The following WDTC1 variants were observed in gnomAD, a reference collection of about 807,000 sequenced individuals.
The protein encoded by WDTC1 is WD and tetratricopeptide repeats 1, also known as WD and tetratricopeptide repeats protein 1.
WDTC1 carries 12 observed loss-of-function variants against 76.0 expected under a neutral mutation model. That is an observed-to-expected ratio of 0.16 (90% confidence interval 0.10 to 0.26). The LOEUF is 0.26. Ranked by LOEUF, WDTC1 falls within the 10% of genes least tolerant of loss-of-function variation. The pLI, the probability that WDTC1 is intolerant of heterozygous loss-of-function variation, is 1.00. For synonymous variants in WDTC1, 326 were observed against 350.8 expected (o/e 0.93, Z 0.79); for missense variants, 511 against 908.8 (o/e 0.56, Z 5.63).
chr1:27,277,063 G>T (rs2013052773), intron 3 of WDTC1, among the ~76,000 whole-genome samples: 1 of 149,828 alleles, frequency 6.7e-6, no homozygotes, highest in African/African-American at 2.5e-5. Flanking sequence ...TATGGGATCT[G>T]TCTCTGTAAC....
rs545828319 is a variant in WDTC1, at chr1:27,235,361, GCTCT to G, written c.-100+417_-100+420del. 1.7e-3 allele frequency among the ~76,000 whole-genome samples: 257 copies of G among 151,074 alleles called. 2 individuals are homozygous for G. The highest frequency in any genetic ancestry group is 6.8e-3 in the Middle Eastern group (2 of 294). On this transcript the variant is annotated intron_variant, in intron 1 of 15. Transcript: ENST00000319394. ...ACCTGACCTGCCCTCTTAGCTTCTC[GCTCT>G]CTCTCTTTCTGTTTTTCTCTCTCTC...
intron 2 of WDTC1, among the ~76,000 whole-genome samples, chr1:27,262,251 T>G (rs763950887): frequency 5.3e-5 from 8 of 151,350 alleles, no homozygotes; most frequent in Non-Finnish European, 8.8e-5. Flanking sequence ...AACTAAAAAT[T>G]TTTAAAAAAT....
At chr1:27,287,155 G>A (rs1325005664) in intron 5 of WDTC1, among the ~76,000 whole-genome samples, 4 of 149,294 alleles carry the variant, frequency 2.7e-5, no homozygotes, top group South Asian at 2.1e-4. Flanking sequence ...AGAGCGAGAC[G>A]CTGTCTCAAA....
In WDTC1 at chr1:27,260,993, G is replaced by A. The variant is rs2147931611; in HGVS notation, c.-62G>A. 2 of 1,576,384 alleles carry A rather than the reference G, an allele frequency of 1.3e-6. No individual in the cohort carries two copies. The highest frequency in any genetic ancestry group is 1.8e-5 in the Admixed American group (1 of 56,838). On this transcript the variant is annotated 5_prime_UTR_variant, in exon 2 of 16. Coordinates refer to ENST00000319394, the MANE Select transcript of WDTC1 (RefSeq NM_001276252.2). ...GTATTTTGTGGACCTGGGCTTGGCT[G>A]GAATGCTCAGGGGTCCTGAAGATCC...
chr1:27,294,843 A>G (rs955703257), intron 9 of WDTC1, among the ~76,000 whole-genome samples: 1 of 152,222 alleles, frequency 6.6e-6, no homozygotes, highest in Non-Finnish European at 1.5e-5. Flanking sequence ...AATGAACTAG[A>G]TAGAAATATG....
At chr1:27,263,943 C>T (rs888255056) in intron 3 of WDTC1, among the ~76,000 whole-genome samples, 9 of 151,746 alleles carry the variant, frequency 5.9e-5, no homozygotes, top group Non-Finnish European at 1.2e-4. Flanking sequence ...CAAACACACA[C>T]ACTTTCTTAT....
intron 5 of WDTC1, 148 bp from the exon 6 acceptor site, chr1:27,287,526 A>T: frequency 1.2e-6 from 1 of 830,262 alleles, no homozygotes; most frequent in Non-Finnish European, 1.8e-6. Flanking sequence ...AGCTGGGATT[A>T]CAGGCATGAG....
intron 4 of WDTC1, among the ~76,000 whole-genome samples, chr1:27,283,046 G>A (rs2013234177): frequency 6.6e-6 from 1 of 151,622 alleles, no homozygotes; most frequent in African/African-American, 2.4e-5. Flanking sequence ...GCTGAGGCAG[G>A]AGAATGGCGT....
intron 1 of WDTC1, among the ~76,000 whole-genome samples, chr1:27,254,366 G>A (rs1192157854): frequency 6.6e-6 from 1 of 152,112 alleles, no homozygotes; most frequent in African/African-American, 2.4e-5. Context: ...GGAAGTAAAG[G>A]CAGGTGGATC....
intron 6 of WDTC1, among the ~76,000 whole-genome samples, chr1:27,291,541 T>C (rs2013535688): frequency 6.6e-6 from 1 of 152,150 alleles, no homozygotes; most frequent in African/African-American, 2.4e-5. Context: ...AGGATACCTG[T>C]GTATTGGCAG....
At chr1:27,279,504 A>G (rs1366393692) in intron 3 of WDTC1, among the ~76,000 whole-genome samples, 1 of 151,874 alleles carries the variant, frequency 6.6e-6, no homozygotes, top group Admixed American at 6.6e-5. Context: ...TTTTAGGAGG[A>G]TTTTTCTTTC....
chr1:27,277,177 C>T (rs1268239435), intron 3 of WDTC1, among the ~76,000 whole-genome samples: 8 of 151,996 alleles, frequency 5.3e-5, no homozygotes, highest in African/African-American at 1.2e-4. Flanking sequence ...GGACTGCAGG[C>T]GCACACCACC....
In WDTC1 at chr1:27,299,685, C is replaced by T. The variant is rs182885952; in HGVS notation, c.1233-1541C>T. ...CCTAGGGAGAGCTTGGAATGCAGAG[C>T]GGTGACGTTGGCCTCGATTCAGTGC... On this transcript the variant is annotated intron_variant, in intron 12 of 15. Transcript: ENST00000319394. Among the ~76,000 whole-genome samples the T allele has an allele frequency of 2.2e-3, 340 of 152,106 alleles. 1 individual carries two copies. Among genetic ancestry groups the T allele is most frequent in the South Asian group, 5.0e-3 (24 of 4,814 alleles).
chr1:27,284,672 C>G (rs2013280820), intron 5 of WDTC1, among the ~76,000 whole-genome samples: 1 of 151,982 alleles, frequency 6.6e-6, no homozygotes, highest in Non-Finnish European at 1.5e-5. Flanking sequence ...ACATTGATTT[C>G]TAACACCAGA....
chr1:27,256,626 A>G (rs142314451), intron 1 of WDTC1, among the ~76,000 whole-genome samples: 237 of 152,248 alleles, frequency 1.6e-3, no homozygotes, highest in African/African-American at 5.4e-3. Flanking sequence ...CCACTACTGG[A>G]TATTTTCTTA....
At chr1:27,256,303 GAGACACT>G (rs1178152774) in intron 1 of WDTC1, among the ~76,000 whole-genome samples, 2 of 152,258 alleles carry the variant, frequency 1.3e-5, no homozygotes, top group Middle Eastern at 3.4e-3. Flanking sequence ...CTCTGACTCT[GAGACACT>G]AGATCCCAGT....
intron 1 of WDTC1, chr1:27,255,359 GT>G (rs1197106804): frequency 1.3e-5 from 2 of 152,060 alleles, no homozygotes; most frequent in African/African-American, 2.4e-5. Context: ...TCCATCTCCA[GT>G]TTTAGCTGTG....
intron 1 of WDTC1, among the ~76,000 whole-genome samples, chr1:27,242,387 T>C (rs2011655212): frequency 6.6e-6 from 1 of 152,164 alleles, no homozygotes; most frequent in South Asian, 2.1e-4. Context: ...GAGGATCCCT[T>C]AAGCCTAGGA....
At chr1:27,294,481 G>A (rs2013628799) in intron 8 of WDTC1, 33 bp from the exon 9 acceptor site, 1 of 1,590,068 alleles carries the variant, frequency 6.3e-7, no homozygotes. Context: ...GAAAGGGACT[G>A]GGACCCTAGT....
Sources: gnomAD v4.1 joint callset for allele counts (sites outside exome capture counted in the v4.1 genomes callset) on GRCh38, gnomAD v4.1.1 for gene constraint, MANE v1.5 for transcripts, NCBI Gene and HGNC (gene_info 2026-07-23, HGNC 2026-07-21) for gene names.